The following ANXA13 variants were observed in gnomAD, a reference collection of about 807,000 sequenced individuals.
ANXA13 encodes the protein annexin A13.
A neutral mutation model predicts 46.6 loss-of-function variants in ANXA13; 36 were observed. The ratio of observed to expected loss-of-function variants is 0.77; its 90% CI spans 0.59 to 1.02. The LOEUF (loss-of-function observed/expected upper bound fraction) is 1.02. ANXA13 is among the 50% of genes least tolerant of loss of function. The pLI, the probability that ANXA13 is intolerant of heterozygous loss-of-function variation, is 0.00. For synonymous variants in ANXA13, 163 were observed against 152.9 expected, an observed-to-expected ratio of 1.07 and a Z score of -0.49; for missense variants, 417 against 396.5, an observed-to-expected ratio of 1.05 and a Z score of -0.44.
chr8:123,700,868 G>T (rs993991318), intron 3 of ANXA13, among the ~76,000 whole-genome samples: 1 of 151,200 alleles, frequency 6.6e-6, no homozygotes, highest in Non-Finnish European at 1.5e-5. Context: ...TGTCACCCAG[G>T]CTGGAGTGCA....
chr8:123,699,254 A>T (rs1338674368), intron 3 of ANXA13, among the ~76,000 whole-genome samples: 3 of 152,172 alleles, frequency 2.0e-5, no homozygotes, highest in Admixed American at 6.5e-5. Flanking sequence ...ATCATGGCTC[A>T]CTGCAGCCTC....
At position 123,695,600 on chromosome 8, in the gene ANXA13, A is replaced by G. The variant is rs201948981; in HGVS notation, c.392-19T>C. Reference sequence around the variant, plus strand: ...TCAAATACTTCGAAGGAAGTAAACAAGGAGGGAAGAAAGCAGATGATTTAG... The same window carrying G: ...TCAAATACTTCGAAGGAAGTAAACAGGGAGGGAAGAAAGCAGATGATTTAG... On this transcript the variant is annotated intron_variant, in intron 5 of 10. Transcript: ENST00000419625. 1.9e-3 allele frequency: 3,078 copies of G among 1,612,266 alleles called. 6 individuals carry two copies. Among genetic ancestry groups the G allele is most frequent in the Non-Finnish European group, 2.4e-3 (2,825 of 1,178,412 alleles).
chr8:123,696,637 TG>T (rs1813344531), intron 4 of ANXA13, among the ~76,000 whole-genome samples: 1 of 151,296 alleles, frequency 6.6e-6, no homozygotes, highest in Non-Finnish European at 1.5e-5. Context: ...GAGAAAGCGG[TG>T]GGGAGCCTCA....
intron 1 of ANXA13, among the ~76,000 whole-genome samples, chr8:123,736,549 A>ATAATGGAAT (rs921159505): frequency 6.6e-6 from 1 of 152,218 alleles, no homozygotes; most frequent in African/African-American, 2.4e-5. Context: ...TTTAGAAATA[A>ATAATGGAAT]TAATGGAATA....
At chr8:123,706,633 G>GCT (rs748965538) in intron 2 of ANXA13, among the ~76,000 whole-genome samples, 29 of 152,166 alleles carry the variant, frequency 1.9e-4, no homozygotes, top group Admixed American at 3.3e-4. Context: ...TTCCTCTGTT[G>GCT]CTCTCACTTT....
At chr8:123,723,487 A>G (rs2129927909) in intron 1 of ANXA13, among the ~76,000 whole-genome samples, 1 of 152,330 alleles carries the variant, frequency 6.6e-6, no homozygotes, top group Admixed American at 6.5e-5. Flanking sequence ...AGTTCCAGGT[A>G]AACCAGGATG....
intron 1 of ANXA13, among the ~76,000 whole-genome samples, chr8:123,733,164 A>G (rs748794906): frequency 1.3e-4 from 20 of 152,012 alleles, no homozygotes; most frequent in South Asian, 4.2e-4. Flanking sequence ...CCCTGTCTCA[A>G]AAAAAAGTAA....
At chr8:123,687,556 A>G (rs934874925) in intron 9 of ANXA13, among the ~76,000 whole-genome samples, 26 of 152,300 alleles carry the variant, frequency 1.7e-4, no homozygotes, top group African/African-American at 5.3e-4. Context: ...AGGCCTCCGG[A>G]TATCACAGCA....
Position 123,690,337 on chromosome 8 carries a change from G to T in ANXA13, c.643-1391C>A, listed in dbSNP as rs141836248. 6.6e-6 allele frequency among the ~76,000 whole-genome samples: 1 copy of T among 152,334 alleles called. No homozygotes were observed. The highest frequency in any genetic ancestry group is 1.9e-4 in the East Asian group (1 of 5,192). On this transcript the variant is annotated intron_variant, in intron 8 of 10. Coordinates refer to ENST00000419625, the MANE Select transcript of ANXA13 (RefSeq NM_004306.4). This position sits in a 1 kb window ranked among gnomAD's most constrained non-coding sequence, Gnocchi z 4.6. ...ATCTCAGCCTACAAAACAGATGAAA[G>T]CAGAAAGCAGAGCTGTGCTGGGAGG...
In ANXA13 at chr8:123,685,917, G is replaced by A. The variant is rs191215944; in HGVS notation, c.719-1195C>T. Reference sequence around the variant, plus strand: ...TGATCCCCAGACAATTTGAGCTAATGAGCACCACAAAGTTTTCCTGAAAAT... The same window carrying A: ...TGATCCCCAGACAATTTGAGCTAATAAGCACCACAAAGTTTTCCTGAAAAT... On this transcript the variant is annotated intron_variant, in intron 9 of 10. Transcript: ENST00000419625. 3.5e-4 allele frequency among the ~76,000 whole-genome samples: 53 copies of A among 152,290 alleles called. 1 individual carries two copies. In the East Asian group the frequency reaches 0.01, roughly 29 times the overall value.
intron 1 of ANXA13, among the ~76,000 whole-genome samples, chr8:123,729,996 G>A (rs771028565): frequency 6.6e-6 from 1 of 152,144 alleles, no homozygotes; most frequent in Non-Finnish European, 1.5e-5. Flanking sequence ...GACACCTGGA[G>A]TCACTCTGTC....
At chr8:123,691,029 C>T (rs532539150) in intron 8 of ANXA13, among the ~76,000 whole-genome samples, 1 of 152,266 alleles carries the variant, frequency 6.6e-6, no homozygotes, top group African/African-American at 2.4e-5. Flanking sequence ...TATTTGGTAA[C>T]GCTGGGGACT....
intron 1 of ANXA13, among the ~76,000 whole-genome samples, chr8:123,732,748 A>T (rs1814147868): frequency 6.6e-6 from 1 of 151,468 alleles, no homozygotes; most frequent in Admixed American, 6.6e-5. Context: ...AAATGTAGCT[A>T]CCCTTCAGAG....
At position 123,690,821 on chromosome 8, in the gene ANXA13, CTG is replaced by C. The variant is rs536802241; in HGVS notation, c.643-1877_643-1876del. 1.6e-3 allele frequency among the ~76,000 whole-genome samples: 237 copies of C among 152,320 alleles called. 4 individuals are homozygous for C. Among genetic ancestry groups the C allele is most frequent in the Middle Eastern group, 0.014 (4 of 292 alleles). On this transcript the variant is annotated intron_variant, in intron 8 of 10. Transcript: ENST00000419625. This position sits in a 1 kb window ranked among gnomAD's most constrained non-coding sequence, Gnocchi z 4.6. ...GACGGCACGCTGACAGCAGAGCCCT[CTG>C]TGCTCTGGCACTGACTATAGCAGTT...
intron 9 of ANXA13, among the ~76,000 whole-genome samples, chr8:123,688,515 G>A (rs1012012902): frequency 4.6e-5 from 7 of 152,158 alleles, no homozygotes; most frequent in Non-Finnish European, 1.0e-4. Flanking sequence ...TCAGGATCGA[G>A]GCAGTCATTC....
At chr8:123,720,995 A>T (rs768973128) in intron 1 of ANXA13, among the ~76,000 whole-genome samples, 24 of 152,300 alleles carry the variant, frequency 1.6e-4, no homozygotes, top group Non-Finnish European at 2.8e-4. Flanking sequence ...CATCTTGCGT[A>T]ACCAAAACTT....
At chr8:123,718,618 C>T (rs149427295) in intron 1 of ANXA13, among the ~76,000 whole-genome samples, 1 of 152,318 alleles carries the variant, frequency 6.6e-6, no homozygotes, top group Non-Finnish European at 1.5e-5. Context: ...AGCACTGGTG[C>T]TGGGGGGACT....
At chr8:123,684,228 C>T (rs1261557521) in intron 10 of ANXA13, among the ~76,000 whole-genome samples, 1 of 152,220 alleles carries the variant, frequency 6.6e-6, no homozygotes, top group Admixed American at 6.5e-5. Context: ...AGGCCTCACT[C>T]AGGAATTCAG....
chr8:123,688,854 T>G lies in ANXA13; in HGVS notation c.718+17A>C. On this transcript the variant is annotated intron_variant, in intron 9 of 10. Transcript: ENST00000419625. ...GCAGCCCAACCTAAGACAGGAGCTC[T>G]CCTAACTTTACTTTACCGAGAGTTA... is the stretch of plus-strand genomic sequence containing the variant. 2 of 1,612,108 alleles carry G rather than the reference T, an allele frequency of 1.2e-6. No individual in the cohort carries two copies. Among genetic ancestry groups the G allele is most frequent in the Non-Finnish European group, 1.7e-6 (2 of 1,178,354 alleles).
Sources: allele counts gnomAD v4.1 joint callset (sites outside exome capture counted in the v4.1 genomes callset), GRCh38; gene constraint gnomAD v4.1.1; non-coding constraint Gnocchi (gnomAD v3.1); transcripts MANE v1.5; gene names NCBI Gene and HGNC (gene_info 2026-07-23, HGNC 2026-07-21).